The following MAPK10 variants were observed in gnomAD, a reference collection of about 807,000 sequenced individuals.
MAPK10 encodes the protein JNK3 alpha protein kinase.
In MAPK10, 25 loss-of-function variants were observed where a neutral mutation model predicts 59.3. That is an observed-to-expected ratio of 0.42 (90% confidence interval 0.31 to 0.59). MAPK10 has a LOEUF of 0.59. Among genes scored for constraint, MAPK10 ranks in the 20% least tolerant of loss-of-function variants. The pLI is 0.15. For synonymous variants in MAPK10, 190 were observed against 200.5 expected, an observed-to-expected ratio of 0.95 and a Z score of 0.44; for missense variants, 351 against 568.9, an observed-to-expected ratio of 0.62 and a Z score of 3.90.
intron 1 of MAPK10, among the ~76,000 whole-genome samples, chr4:86,506,444 C>G (rs756533296): frequency 6.6e-6 from 1 of 152,110 alleles, no homozygotes; most frequent in Non-Finnish European, 1.5e-5. Flanking sequence ...TCTTCATTTA[C>G]AAAATGGAGA....
At chr4:86,180,613 C>G (rs79662455) in intron 3 of MAPK10, among the ~76,000 whole-genome samples, 12,894 of 151,714 alleles carry the variant, frequency 0.085, 1,215 homozygotes, top group African/African-American at 0.23. Context: ...TCCAACAACA[C>G]ATGACTAGAT....
chr4:86,260,300 T>C (rs1006442749), intron 2 of MAPK10, among the ~76,000 whole-genome samples: 1 of 152,102 alleles, frequency 6.6e-6, no homozygotes, highest in African/African-American at 2.4e-5. Context: ...AGGGTTTTAA[T>C]TAAAATAGCA....
intron 2 of MAPK10, among the ~76,000 whole-genome samples, chr4:86,354,155 C>T (rs183408678): frequency 1.3e-5 from 2 of 151,720 alleles, no homozygotes; most frequent in Non-Finnish European, 2.9e-5. Context: ...TAGCTCAGAA[C>T]CAATTTTTCT....
At chr4:86,199,720 C>T (rs1208078049) in intron 2 of MAPK10, among the ~76,000 whole-genome samples, 1 of 151,898 alleles carries the variant, frequency 6.6e-6, no homozygotes, top group African/African-American at 2.4e-5. Context: ...GCATATGAAA[C>T]ATATATTATT....
chr4:86,139,380 A>C (rs1453795472), intron 4 of MAPK10, among the ~76,000 whole-genome samples: 1 of 150,934 alleles, frequency 6.6e-6, no homozygotes, highest in Non-Finnish European at 1.5e-5. Context: ...ATAACGCCGC[A>C]TATCTACAAC....
chr4:86,256,477 G>C (rs888953980), intron 2 of MAPK10, among the ~76,000 whole-genome samples: 2 of 151,908 alleles, frequency 1.3e-5, no homozygotes, highest in African/African-American at 2.4e-5. Context: ...CTTATTCTGA[G>C]ACCTGAGAGT....
chr4:86,396,328 G>T (rs962080279), intron 1 of MAPK10, among the ~76,000 whole-genome samples: 1 of 152,162 alleles, frequency 6.6e-6, no homozygotes, highest in Admixed American at 6.5e-5. Context: ...GCCTGGGCAA[G>T]AGTGCGAGAC....
intron 8 of MAPK10, 32 bp downstream of exon 8, chr4:86,101,020 G>C (rs1421898250): frequency 6.2e-7 from 1 of 1,604,514 alleles, no homozygotes; most frequent in Non-Finnish European, 8.5e-7. Context: ...TTCATTCATG[G>C]TTTTGATGCT....
At position 86,509,473 on chromosome 4, in the gene MAPK10, A is replaced by C. The variant is rs1043869409; in HGVS notation, c.-263+84437T>G. On this transcript the variant is annotated intron_variant, in intron 1 of 4. Coordinates refer to the MAPK10 transcript ENST00000502302. ...CAGAAACGCTGACCAAAAAAAAAAA[A>C]CAAACAAAAAAAAACCTGCCAAAAT... Among the ~76,000 whole-genome samples the C allele has an allele frequency of 7.3e-5, 11 of 151,694 alleles. No homozygotes were observed. The East Asian group carries it at 1.2e-3, about 16-fold the overall frequency.
rs573792601 is a variant in MAPK10 at position 86,547,225 on chromosome 4, T to G, written c.-263+46685A>C. On this transcript the variant is annotated intron_variant, in intron 1 of 4. Transcript: ENST00000502302. The stretch of plus-strand genomic sequence containing the variant: ...CCTGGGTTCCCACTTTGGCGGCACC[T>G]GAGGAGCCCTTCAGCCCGCCCTGCA... 2.6e-5 allele frequency among the ~76,000 whole-genome samples: 4 copies of G among 152,290 alleles called. No homozygotes were observed. The South Asian group carries it at 8.3e-4, about 32-fold the overall frequency.
chr4:86,262,981 C>G (rs994173410), intron 2 of MAPK10, among the ~76,000 whole-genome samples: 2 of 152,186 alleles, frequency 1.3e-5, no homozygotes, highest in South Asian at 4.1e-4. Flanking sequence ...ATTGGATGGA[C>G]AGTAGGACAG....
chr4:86,311,056 A>G (rs1381470012), intron 2 of MAPK10, among the ~76,000 whole-genome samples: 1 of 151,862 alleles, frequency 6.6e-6, no homozygotes, highest in African/African-American at 2.4e-5. Flanking sequence ...ACACACACAC[A>G]CACACACACA....
intron 2 of MAPK10, among the ~76,000 whole-genome samples, chr4:86,195,911 C>A (rs529940171): frequency 2.0e-5 from 3 of 152,106 alleles, no homozygotes; most frequent in Admixed American, 6.6e-5. Context: ...ATCCTCTTTA[C>A]GGATGCATAG....
In MAPK10 at chr4:86,585,973, T is replaced by C. The variant is rs534214683; in HGVS notation, c.-263+7937A>G. ...ATCAGACAATATGAAATCACACTCT[T>C]TAAGACAGAAGATAAACTAGAAAGC... On this transcript the variant is annotated intron_variant, in intron 1 of 4. Transcript: ENST00000502302. Among the ~76,000 whole-genome samples, 11 of 152,324 alleles carry C rather than the reference T, an allele frequency of 7.2e-5. No individual in the cohort carries two copies. The East Asian group carries it at 2.1e-3, about 29-fold the overall frequency.
At chr4:86,107,609 G>A in intron 4 of MAPK10, 1 of 1,089,720 alleles carries the variant, frequency 9.2e-7, no homozygotes, top group Non-Finnish European at 1.1e-6. Context: ...GTAGAAGAGG[G>A]CAAAGGAGAA....
chr4:86,256,738 T>C (rs868482255), intron 2 of MAPK10, among the ~76,000 whole-genome samples: 18 of 132,258 alleles, frequency 1.4e-4, no homozygotes, highest in South Asian at 7.8e-4. Context: ...TTCTTTCTTT[T>C]TTTTTTTTTT....
Position 86,101,968 on chromosome 4 carries a change from C to T in MAPK10, c.490G>A (p.Glu164Lys). ...TGGTACAGCAGGTAAGACATTCGCT[C>T]ATGGTCTAATTCCATCTGAATCACT... Reference protein sequence around the residue: ...CQVIQMELDHERMSYLLYQML... With the variant: ...CQVIQMELDHKRMSYLLYQML... Residue 164 changes from glutamate (E) to lysine (K), a missense_variant, in exon 7 of 14, where the codon GAG becomes AAG. This residue lies in a region of MAPK10 where 76 missense variants were observed against 197.9 expected (regional missense o/e 0.38). Coordinates refer to ENST00000641462, the MANE Select transcript of MAPK10 (RefSeq NM_138982.4). 6.2e-7 allele frequency: 1 copy of T among 1,614,008 alleles called. No individual in the cohort carries two copies. The highest frequency in any genetic ancestry group is 8.5e-7 in the Non-Finnish European group (1 of 1,179,876).
intron 1 of MAPK10, among the ~76,000 whole-genome samples, chr4:86,359,390 A>C (rs929519940): frequency 4.6e-5 from 7 of 150,722 alleles, no homozygotes; most frequent in Non-Finnish European, 1.0e-4. Context: ...CCCTGGTCAC[A>C]ATAAGAATGC....
chr4:86,150,767 C>T (rs1042137011), intron 4 of MAPK10, among the ~76,000 whole-genome samples: 2 of 152,112 alleles, frequency 1.3e-5, no homozygotes, highest in African/African-American at 4.8e-5. Flanking sequence ...TAGGCTGAGG[C>T]AGGAGAATGG....
Sources: gnomAD v4.1 joint callset for allele counts (sites outside exome capture counted in the v4.1 genomes callset) on GRCh38, gnomAD v4.1.1 for gene constraint, gnomAD v4.1.1 regional missense constraint, MANE v1.5 for transcripts, NCBI Gene and HGNC (gene_info 2026-07-23, HGNC 2026-07-21) for gene names.